Variants in SMC5 observed in about 807,000 individuals in gnomAD.
SMC5 encodes structural maintenance of chromosomes protein 5.
SMC5 carries 88 observed loss-of-function variants against 148.3 expected under a neutral mutation model. The observed-to-expected ratio is 0.59, with a 90% CI of 0.50 to 0.71. SMC5 has a LOEUF of 0.71. SMC5 is among the 30% of genes least tolerant of loss of function. The pLI, the probability that SMC5 is intolerant of heterozygous loss-of-function variation, is 0.00. For synonymous variants in SMC5, 421 were observed against 432.8 expected, an observed-to-expected ratio of 0.97 and a Z score of 0.34; for missense variants, 1,142 against 1,298.9, an observed-to-expected ratio of 0.88 and a Z score of 1.86.
At chr9:70,323,674 TTAGAG>T in intron 16 of SMC5, 68 bp downstream of exon 16, 1 of 1,502,114 alleles carries the variant, frequency 6.7e-7, no homozygotes, top group African/African-American at 1.4e-5. Context: ...AGTAAAATCT[TTAGAG>T]GGAGGGAAGG....
chr9:70,296,708 A>G (rs1417234425), intron 8 of SMC5, among the ~76,000 whole-genome samples: 5 of 152,226 alleles, frequency 3.3e-5, no homozygotes, highest in Non-Finnish European at 7.3e-5. Flanking sequence ...GCTAAAACAG[A>G]TTATGTGATG....
chr9:70,335,171 G>C (rs973631158), intron 17 of SMC5, among the ~76,000 whole-genome samples: 2 of 152,158 alleles, frequency 1.3e-5, no homozygotes, highest in African/African-American at 4.8e-5. Context: ...ACACAAATGT[G>C]TAACAGCTGT....
intron 10 of SMC5, among the ~76,000 whole-genome samples, chr9:70,303,199 C>G (rs1240141206): frequency 1.3e-5 from 2 of 151,804 alleles, no homozygotes; most frequent in East Asian, 3.9e-4. Context: ...TGCACTCAGC[C>G]TGGGCAACAC....
rs765611246 is a variant in SMC5 at position 70,318,905 on chromosome 9, C to T, written c.2092C>T (p.Leu698Phe). The change falls in exon 15 of 25, where the codon CTT becomes TTT. Residue 698 changes from leucine to phenylalanine, a missense_variant. Physicochemically the swap from Leu to Phe is conservative, Grantham distance 22. This residue lies in a region of SMC5 where 743 missense variants were observed against 835.7 expected (regional missense o/e 0.89). Coordinates refer to ENST00000361138, the MANE Select transcript of SMC5 (RefSeq NM_015110.4). The stretch of plus-strand genomic sequence containing the variant: ...ACTTAGACAAAAGAAGAAGGAGCTT[C>T]TTGAGAGAAAAACCAAGAAAAGACA... ...NELRQKKKEL[L>F]ERKTKKRQLE... The T allele has an allele frequency of 6.2e-7, 1 of 1,611,138 alleles. No individual in the cohort carries two copies. Among genetic ancestry groups the T allele is most frequent in the Non-Finnish European group, 8.5e-7 (1 of 1,178,894 alleles).
intron 17 of SMC5, among the ~76,000 whole-genome samples, chr9:70,337,450 GTTTTT>G (rs201218742): frequency 1.7e-5 from 2 of 119,960 alleles, no homozygotes; most frequent in African/African-American, 4.2e-5. Context: ...TTTGGGATTT[GTTTTT>G]TTTTTTTTTT....
At chr9:70,271,663 G>A (rs1001803359) in intron 3 of SMC5, among the ~76,000 whole-genome samples, 4 of 152,174 alleles carry the variant, frequency 2.6e-5, no homozygotes, top group South Asian at 4.1e-4. Context: ...AGAAAAGGAG[G>A]ATAGGAGTGA....
At chr9:70,331,829 A>C (rs2036227162) in intron 17 of SMC5, among the ~76,000 whole-genome samples, 1 of 152,202 alleles carries the variant, frequency 6.6e-6, no homozygotes, top group African/African-American at 2.4e-5. Context: ...GAGTATGTCA[A>C]ATAGAGGTTT....
At chr9:70,321,135 G>A (rs914396522) in intron 15 of SMC5, among the ~76,000 whole-genome samples, 12 of 152,230 alleles carry the variant, frequency 7.9e-5, no homozygotes, top group African/African-American at 2.6e-4. Flanking sequence ...TGTCCCTTGA[G>A]TTCTGAATGG....
intron 13 of SMC5, among the ~76,000 whole-genome samples, chr9:70,317,247 C>T (rs2035827076): frequency 6.6e-6 from 1 of 151,994 alleles, no homozygotes; most frequent in African/African-American, 2.4e-5. Context: ...AAAGTATACT[C>T]TTTATGTTTT....
At chr9:70,293,588 C>T (rs57416497) in intron 8 of SMC5, among the ~76,000 whole-genome samples, 21,669 of 151,964 alleles carry the variant, frequency 0.14, 2,130 homozygotes, top group African/African-American at 0.28. Flanking sequence ...ATACATTTTC[C>T]TGTTATCACT....
chr9:70,330,905 A>G (rs1301647312), intron 17 of SMC5, among the ~76,000 whole-genome samples: 1 of 152,194 alleles, frequency 6.6e-6, no homozygotes, highest in Admixed American at 6.6e-5. Flanking sequence ...AATGAATTAC[A>G]ATAATATATT....
At chr9:70,323,675 TAGAG>T in intron 16 of SMC5, 69 bp downstream of exon 16, 1 of 1,492,412 alleles carries the variant, frequency 6.7e-7, no homozygotes, top group Non-Finnish European at 9.0e-7. Context: ...GTAAAATCTT[TAGAG>T]GGAGGGAAGG....
In SMC5 at chr9:70,286,287, A is replaced by G. The variant is rs1269203142; in HGVS notation, c.1053+16A>G. 2.6e-6 allele frequency: 4 copies of G among 1,520,192 alleles called. No individual in the cohort carries two copies. In the East Asian group the frequency reaches 9.2e-5, roughly 35 times the overall value. The allele number at this position is 1,520,192 out of a possible 1,614,324, so 94.2% of individuals were successfully genotyped here. A position where few individuals can be genotyped will look rare whatever the true frequency, so the allele number is the denominator to read the frequency against. On this transcript the variant is annotated intron_variant, in intron 8 of 24. Transcript: ENST00000361138. ...AGATAAACATGTAAGGTTTCATACT[A>G]AAATTTTTATTACATTAAAGTTTGC...
intron 11 of SMC5, chr9:70,310,829 C>A (rs1233522361): frequency 6.6e-6 from 1 of 152,232 alleles, no homozygotes; most frequent in East Asian, 1.9e-4. Context: ...TTTGCTGTTT[C>A]ACCTTGCACT....
intron 17 of SMC5, among the ~76,000 whole-genome samples, chr9:70,340,144 A>G (rs1157409378): frequency 2.0e-5 from 3 of 152,148 alleles, no homozygotes; most frequent in Middle Eastern, 6.8e-3. Context: ...TTACATCAGA[A>G]TTAATATTAG....
At chr9:70,291,923 C>T (rs2035073372) in intron 8 of SMC5, among the ~76,000 whole-genome samples, 1 of 151,974 alleles carries the variant, frequency 6.6e-6, no homozygotes, top group African/African-American at 2.4e-5. Context: ...CAGGTTTTCA[C>T]TATGATTGTG....
chr9:70,266,061 A>C (rs562299535), intron 2 of SMC5, among the ~76,000 whole-genome samples: 4 of 152,338 alleles, frequency 2.6e-5, no homozygotes, highest in Non-Finnish European at 5.9e-5. Context: ...TTTCAAGCAC[A>C]AGTTAACATT....
Position 70,314,811 on chromosome 9 carries a change from C to A in SMC5, c.1648C>A (p.Pro550Thr). 6.4e-7 allele frequency: 1 copy of A among 1,561,630 alleles called. No individual in the cohort carries two copies. The highest frequency in any genetic ancestry group is 8.7e-7 in the Non-Finnish European group (1 of 1,151,942). ...CAAGAGTTCATATGCAGACAAAGCACCTTCAAGATCTTTGAATGAACTTAA... is the reference window on the plus strand; with the variant it reads ...CAAGAGTTCATATGCAGACAAAGCAACTTCAAGATCTTTGAATGAACTTAA... The part of the protein sequence containing the change: ...APKSSYADKA[P>T]SRSLNELKQY... Residue 550 changes from proline (P) to threonine (T), a missense_variant, in exon 12 of 25, where the codon CCT becomes ACT. Pro to Thr is a conservative substitution (Grantham distance 38). Coordinates refer to ENST00000361138, the MANE Select transcript of SMC5 (RefSeq NM_015110.4).
rs138298653 is a variant in SMC5, at chr9:70,274,880, G to A, written c.381-2430G>A. On this transcript the variant is annotated intron_variant, in intron 3 of 24. Transcript: ENST00000361138. ...TTCTCTGAACTTACATGCTTTTAAA[G>A]TTCTATCTTTTTAAAACTCCTCAAA... Among the ~76,000 whole-genome samples, 599 of 151,954 alleles carry A rather than the reference G, an allele frequency of 3.9e-3. 3 individuals are homozygous for A. Among genetic ancestry groups the A allele is most frequent in the African/African-American group, 0.013 (555 of 41,514 alleles).
Sources: allele counts gnomAD v4.1 joint callset (sites outside exome capture counted in the v4.1 genomes callset), GRCh38; gene constraint gnomAD v4.1.1; regional missense constraint gnomAD v4.1.1; transcripts MANE v1.5; gene names NCBI Gene and HGNC (gene_info 2026-07-23, HGNC 2026-07-21).